HIBADH: variants seen among roughly 807,000 people sequenced by gnomAD.
HIBADH encodes 3-hydroxyisobutyrate dehydrogenase, also known as 3-hydroxyisobutyrate dehydrogenase, mitochondrial.
In HIBADH, 25 loss-of-function variants were observed where a neutral mutation model predicts 36.1. The ratio of observed to expected loss-of-function variants is 0.69; its 90% CI spans 0.50 to 0.97. The LOEUF (loss-of-function observed/expected upper bound fraction) is 0.97, where lower values mean the gene tolerates loss of function less well. Among genes scored for constraint, HIBADH ranks in the 50% least tolerant of loss-of-function variants. The pLI is 0.00. For synonymous variants in HIBADH, 160 were observed against 149.5 expected, an observed-to-expected ratio of 1.07 and a Z score of -0.51; for missense variants, 421 against 418.0, an observed-to-expected ratio of 1.01 and a Z score of -0.06.
In HIBADH at chr7:27,635,460, G is replaced by T. The variant is rs1217346321; in HGVS notation, c.253-3015C>A. 2.0e-5 allele frequency among the ~76,000 whole-genome samples: 3 copies of T among 152,208 alleles called. No individual in the cohort carries two copies. The East Asian group carries it at 5.8e-4, about 29-fold the overall frequency. On this transcript the variant is annotated intron_variant, in intron 2 of 7. Transcript: ENST00000265395. Reference sequence around the variant, plus strand: ...GCAGCTCAGCCAAGAAGTCATGGGTGATTTTGTGTAAACTATGTAACATCT... The same window carrying T: ...GCAGCTCAGCCAAGAAGTCATGGGTTATTTTGTGTAAACTATGTAACATCT...
At chr7:27,607,013 T>C (rs532168695) in intron 4 of HIBADH, among the ~76,000 whole-genome samples, 41 of 152,208 alleles carry the variant, frequency 2.7e-4, no homozygotes, top group Non-Finnish European at 4.9e-4. Context: ...AGGTAACTTT[T>C]CTGTATCAAA....
In HIBADH at chr7:27,648,858, T is replaced by A. The variant is rs533496553; in HGVS notation, c.252+615A>T. On this transcript the variant is annotated intron_variant, in intron 2 of 7. Coordinates refer to ENST00000265395, the MANE Select transcript of HIBADH (RefSeq NM_152740.4). Reference sequence around the variant, plus strand: ...CTCAACTCTTCATTATAGGACATAGTGTTTTTAGGCTGTCTCCTGGTTTAT... The same window carrying A: ...CTCAACTCTTCATTATAGGACATAGAGTTTTTAGGCTGTCTCCTGGTTTAT... Among the ~76,000 whole-genome samples, 13 of 152,322 alleles carry A rather than the reference T, an allele frequency of 8.5e-5. No individual in the cohort carries two copies. In the East Asian group the frequency reaches 2.1e-3, roughly 25 times the overall value.
intron 1 of HIBADH, among the ~76,000 whole-genome samples, chr7:27,651,371 T>C (rs1403011358): frequency 6.6e-6 from 1 of 151,844 alleles, no homozygotes; most frequent in Non-Finnish European, 1.5e-5. Context: ...AGTACACTGG[T>C]ATAATAGTAC....
Position 27,530,957 on chromosome 7 carries a change from T to TAC in HIBADH, c.852+233_852+234dup, listed in dbSNP as rs530391725. Among the ~76,000 whole-genome samples, 362 of 151,338 alleles carry TAC rather than the reference T, an allele frequency of 2.4e-3. 1 individual carries two copies. The highest frequency in any genetic ancestry group is 7.8e-3 in the African/African-American group (321 of 41,278). On this transcript the variant is annotated intron_variant, in intron 7 of 7. Coordinates refer to ENST00000265395, the MANE Select transcript of HIBADH (RefSeq NM_152740.4). ...GCACACACACACACACGCACACACA[T>TAC]ACACACACACACATGGTCTGGCCCA...
intron 4 of HIBADH, among the ~76,000 whole-genome samples, chr7:27,552,614 T>C (rs1057359449): frequency 4.6e-5 from 7 of 152,210 alleles, no homozygotes; most frequent in Admixed American, 2.0e-4. Context: ...TCTATGGCAG[T>C]TGAATAAACG....
intron 4 of HIBADH, among the ~76,000 whole-genome samples, chr7:27,545,918 A>ATTTT (rs1784230303): frequency 6.6e-6 from 1 of 152,198 alleles, no homozygotes; most frequent in Non-Finnish European, 1.5e-5. Flanking sequence ...TGGCTGATAA[A>ATTTT]TAGCATGGTA....
At chr7:27,536,747 G>A (rs900650145) in intron 6 of HIBADH, among the ~76,000 whole-genome samples, 3 of 152,064 alleles carry the variant, frequency 2.0e-5, no homozygotes, top group African/African-American at 4.8e-5. Flanking sequence ...GTTCTGACAG[G>A]AAAATTATTC....
intron 4 of HIBADH, among the ~76,000 whole-genome samples, chr7:27,621,339 T>A (rs531283285): frequency 3.9e-5 from 6 of 152,118 alleles, no homozygotes; most frequent in African/African-American, 1.2e-4. Context: ...GAAAAAAACG[T>A]TGAATTTAAA....
Position 27,562,869 on chromosome 7 carries a change from T to G in HIBADH, c.485-19769A>C, listed in dbSNP as rs192954227. 4.5e-3 allele frequency among the ~76,000 whole-genome samples: 691 copies of G among 152,346 alleles called. 10 individuals carry two copies. In the South Asian group the frequency reaches 0.051, roughly 11 times the overall value. On this transcript the variant is annotated intron_variant, in intron 4 of 7. Transcript: ENST00000265395. ...CTCTTGGTGTTAAATTTTATCAGTC[T>G]TTGTTTACTGAAAATGTCTATGTTT...
At chr7:27,569,554 T>C (rs1285798929) in intron 4 of HIBADH, among the ~76,000 whole-genome samples, 2 of 152,136 alleles carry the variant, frequency 1.3e-5, no homozygotes, top group East Asian at 1.9e-4. Context: ...GGGTCAGATC[T>C]ATGTTGTATG....
intron 5 of HIBADH, among the ~76,000 whole-genome samples, chr7:27,540,302 T>C (rs568735872): frequency 6.6e-6 from 1 of 152,328 alleles, no homozygotes; most frequent in South Asian, 2.1e-4. Flanking sequence ...TTGGTACATC[T>C]TCTTCCTCAT....
intron 4 of HIBADH, among the ~76,000 whole-genome samples, chr7:27,627,219 T>C (rs1274303873): frequency 6.6e-6 from 1 of 152,218 alleles, no homozygotes; most frequent in Non-Finnish European, 1.5e-5. Context: ...ATGGTGTTTT[T>C]CAGGTCCTGA....
intron 1 of HIBADH, among the ~76,000 whole-genome samples, chr7:27,652,695 T>A (rs574820868): frequency 2.0e-5 from 3 of 152,310 alleles, no homozygotes; most frequent in Non-Finnish European, 4.4e-5. Context: ...TCTCACTGTA[T>A]CCTCACATGG....
At chr7:27,571,677 T>A (rs1784631131) in intron 4 of HIBADH, among the ~76,000 whole-genome samples, 1 of 152,162 alleles carries the variant, frequency 6.6e-6, no homozygotes, top group African/African-American at 2.4e-5. Context: ...TTTTTTTAAC[T>A]GTGAGCTTAC....
intron 4 of HIBADH, among the ~76,000 whole-genome samples, chr7:27,566,717 C>A (rs1034476937): frequency 6.6e-6 from 1 of 152,112 alleles, no homozygotes; most frequent in Non-Finnish European, 1.5e-5. Context: ...TTAGGAGCAT[C>A]CTACAAATAT....
At chr7:27,608,710 A>C (rs1180211358) in intron 4 of HIBADH, among the ~76,000 whole-genome samples, 1 of 152,214 alleles carries the variant, frequency 6.6e-6, no homozygotes, top group Non-Finnish European at 1.5e-5. Context: ...ATAGATGTTA[A>C]AGAAAAATAA....
At position 27,662,874 on chromosome 7, in the gene HIBADH, G is replaced by C. The variant is rs549264245; in HGVS notation, c.-86C>G. On this transcript the variant is annotated 5_prime_UTR_variant, in exon 1 of 8. Coordinates refer to ENST00000265395, the MANE Select transcript of HIBADH (RefSeq NM_152740.4). Reference sequence around the variant, plus strand: ...CGAGCGTGTGCAGCGGGACTGGCTGGCTCGCCCACGGAGAAGGGCGCGCGC... The same window carrying C: ...CGAGCGTGTGCAGCGGGACTGGCTGCCTCGCCCACGGAGAAGGGCGCGCGC... 1.2e-4 allele frequency: 139 copies of C among 1,123,950 alleles called. 1 individual carries two copies. The African/African-American group carries it at 2.0e-3, about 16-fold the overall frequency. The allele number at this position is 1,123,950 out of a possible 1,614,324, so 69.6% of individuals were successfully genotyped here.
chr7:27,633,565 G>T (rs1785785751), intron 2 of HIBADH, among the ~76,000 whole-genome samples: 1 of 152,200 alleles, frequency 6.6e-6, no homozygotes, highest in African/African-American at 2.4e-5. Flanking sequence ...AGGCTAAGAT[G>T]GGAGGATAAC....
chr7:27,630,046 C>A (rs980418326), intron 3 of HIBADH, among the ~76,000 whole-genome samples: 2 of 151,966 alleles, frequency 1.3e-5, no homozygotes, highest in Non-Finnish European at 2.9e-5. Flanking sequence ...AATAAAATAT[C>A]AAGCAGGTAG....
Sources: gnomAD v4.1 joint callset for allele counts (sites outside exome capture counted in the v4.1 genomes callset) on GRCh38, gnomAD v4.1.1 for gene constraint, MANE v1.5 for transcripts, NCBI Gene and HGNC (gene_info 2026-07-23, HGNC 2026-07-21) for gene names.